The following CNGB1 variants were observed in gnomAD, a reference collection of about 807,000 sequenced individuals.
CNGB1 encodes cyclic nucleotide gated channel subunit beta 1.
A neutral mutation model predicts 151.7 loss-of-function variants in CNGB1; 126 were observed. The observed-to-expected ratio is 0.83, with a 90% CI of 0.72 to 0.96. CNGB1 has a LOEUF of 0.96. CNGB1 is among the 40% of genes least tolerant of loss of function. The pLI is 0.00. For missense variants in CNGB1, 1,698 were observed against 1,627.0 expected, an observed-to-expected ratio of 1.04 and a Z score of -0.75; for synonymous variants, 623 against 635.1, an observed-to-expected ratio of 0.98 and a Z score of 0.29.
intron 27 of CNGB1, 149 bp downstream of exon 27, chr16:57,903,673 C>A: frequency 2.0e-6 from 2 of 1,022,098 alleles, no homozygotes; most frequent in Non-Finnish European, 1.5e-6. Context: ...CCTCTCACAC[C>A]AATGTTGGGG....
Position 57,933,107 on chromosome 16 carries a change from G to A in CNGB1, c.1373-1229C>T, listed in dbSNP as rs1040133403. On this transcript the variant is annotated intron_variant, in intron 16 of 32. Coordinates refer to ENST00000251102, the MANE Select transcript of CNGB1 (RefSeq NM_001297.5). ...CCATGCTCGGCTAATTTTTGTGTTT[G>A]TGTAGAGATGAGGTCTCACCATGTT... 4.6e-5 allele frequency among the ~76,000 whole-genome samples: 7 copies of A among 151,846 alleles called. No homozygotes were observed. The East Asian group carries it at 1.4e-3, about 30-fold the overall frequency.
intron 14 of CNGB1, among the ~76,000 whole-genome samples, chr16:57,940,602 A>G (rs1193418163): frequency 6.6e-6 from 1 of 152,022 alleles, no homozygotes; most frequent in Non-Finnish European, 1.5e-5. Context: ...CAGGATGATG[A>G]TTTTACCACA....
intron 14 of CNGB1, 145 bp downstream of exon 14, chr16:57,949,208 G>A (rs905684690): frequency 1.6e-5 from 24 of 1,456,096 alleles, no homozygotes; most frequent in African/African-American, 5.6e-5. Context: ...CCAGCTTCTC[G>A]CAGCCTCTTT....
At chr16:57,930,545 GGAGA>G (rs1961317663) in intron 17 of CNGB1, among the ~76,000 whole-genome samples, 1 of 126,644 alleles carries the variant, frequency 7.9e-6, no homozygotes, top group Non-Finnish European at 1.6e-5. Context: ...AGAGGGGAGG[GGAGA>G]GAGAGGGGAA....
intron 16 of CNGB1, among the ~76,000 whole-genome samples, chr16:57,936,194 C>T (rs1961503300): frequency 6.6e-6 from 1 of 152,300 alleles, no homozygotes; most frequent in East Asian, 1.9e-4. Context: ...TCAATGGATC[C>T]AGACAGCCCT....
chr16:57,950,249 T>C, intron 13 of CNGB1, 132 bp downstream of exon 13: 9 of 1,060,924 alleles, frequency 8.5e-6, no homozygotes, highest in Non-Finnish European at 1.3e-5. Context: ...GGGAGAAGGA[T>C]GGCTGTATGA....
chr16:57,943,485 C>T (rs1355736364), intron 14 of CNGB1, among the ~76,000 whole-genome samples: 5 of 152,120 alleles, frequency 3.3e-5, no homozygotes, highest in African/African-American at 1.2e-4. Flanking sequence ...GCCTGGCCAA[C>T]ATTGTGAAAC....
intron 23 of CNGB1, among the ~76,000 whole-genome samples, chr16:57,913,619 T>A (rs9972816): frequency 2.6e-5 from 4 of 151,906 alleles, no homozygotes; most frequent in Non-Finnish European, 5.9e-5. Context: ...TAGCTGGGAC[T>A]ACAGGCACAC....
rs138096714 is a variant in CNGB1, at chr16:57,899,257, C to T, written c.2977-1343G>A. Among the ~76,000 whole-genome samples, 35 of 152,290 alleles carry T rather than the reference C, an allele frequency of 2.3e-4. No individual in the cohort carries two copies. The East Asian group carries it at 3.9e-3, about 17-fold the overall frequency. ...CGCCTTCCAATCCTCATGCCTTCAC[C>T]GGCCCTTGTCCTGGCCAGCTACCTG... On this transcript the variant is annotated intron_variant, in intron 29 of 32. Transcript: ENST00000251102.
intron 12 of CNGB1, among the ~76,000 whole-genome samples, chr16:57,955,839 C>T (rs1962070495): frequency 6.6e-6 from 1 of 152,198 alleles, no homozygotes; most frequent in Non-Finnish European, 1.5e-5. Flanking sequence ...GGGCATGTCT[C>T]GCTCAGAGCC....
intron 7 of CNGB1, among the ~76,000 whole-genome samples, chr16:57,961,662 A>ATGAATGAG (rs1344395695): frequency 6.9e-6 from 1 of 144,422 alleles, no homozygotes; most frequent in East Asian, 2.0e-4. Context: ...GAATGAATGA[A>ATGAATGAG]TGAATGAGTG....
intron 23 of CNGB1, among the ~76,000 whole-genome samples, chr16:57,913,414 G>A (rs1960786331): frequency 6.6e-6 from 1 of 152,180 alleles, no homozygotes; most frequent in African/African-American, 2.4e-5. Flanking sequence ...TTATTTATAA[G>A]AATAAAAGTA....
At chr16:57,892,138 A>C (rs1960108690) in intron 31 of CNGB1, among the ~76,000 whole-genome samples, 1 of 151,460 alleles carries the variant, frequency 6.6e-6, no homozygotes, top group Non-Finnish European at 1.5e-5. Flanking sequence ...GCAGTACAAG[A>C]GCTAAAACCA....
At chr16:57,886,111 G>A (rs574430025) in intron 32 of CNGB1, among the ~76,000 whole-genome samples, 24 of 152,086 alleles carry the variant, frequency 1.6e-4, no homozygotes, top group Non-Finnish European at 2.5e-4. Flanking sequence ...TCCAAGTCTC[G>A]GAAAGCTTGA....
chr16:57,910,161 C>T (rs780693037), intron 25 of CNGB1, among the ~76,000 whole-genome samples: 2 of 152,142 alleles, frequency 1.3e-5, no homozygotes, highest in East Asian at 1.9e-4. Flanking sequence ...AAGAGGGGGT[C>T]GGACACGCCT....
At chr16:57,920,925 G>A (rs961536388) in intron 18 of CNGB1, among the ~76,000 whole-genome samples, 2 of 152,166 alleles carry the variant, frequency 1.3e-5, no homozygotes, top group African/African-American at 4.8e-5. Context: ...GTGTCCAGGG[G>A]CAGAACAGAG....
intron 29 of CNGB1, 93 bp downstream of exon 29, chr16:57,901,259 C>G: frequency 8.2e-7 from 1 of 1,217,376 alleles, no homozygotes; most frequent in South Asian, 1.2e-5. Flanking sequence ...TCTCGCTCTG[C>G]CCTGGGCTGG....
At chr16:57,911,932 A>G in intron 24 of CNGB1, 57 bp from the exon 25 acceptor site, 1 of 1,604,804 alleles carries the variant, frequency 6.2e-7, no homozygotes. Context: ...TGAGGTATAG[A>G]CACCTGGACA....
intron 10 of CNGB1, among the ~76,000 whole-genome samples, 187 bp downstream of exon 10, chr16:57,959,701 A>C (rs1173394645): frequency 1.3e-5 from 2 of 152,224 alleles, no homozygotes; most frequent in Admixed American, 6.5e-5. Flanking sequence ...AAGTACCCAA[A>C]GCTTGAAAGC....
Sources: gnomAD v4.1 joint callset for allele counts (sites outside exome capture counted in the v4.1 genomes callset) on GRCh38, gnomAD v4.1.1 for gene constraint, MANE v1.5 for transcripts, NCBI Gene and HGNC (gene_info 2026-07-23, HGNC 2026-07-21) for gene names.